The following OTOGL variants were observed in gnomAD, a reference collection of about 807,000 sequenced individuals.
OTOGL encodes otogelin like, also known as otogelin-like protein.
Under a neutral mutation model 318.5 loss-of-function variants are expected in OTOGL, and 285 were observed. That is an observed-to-expected ratio of 0.89 (90% CI 0.81 to 0.99). The LOEUF (loss-of-function observed/expected upper bound fraction) is 0.99. Ranked by LOEUF, OTOGL falls within the 50% of genes least tolerant of loss-of-function variation. OTOGL has a pLI of 0.00. For synonymous variants in OTOGL, 987 were observed against 936.5 expected (o/e 1.05, Z -0.99); for missense variants, 2,899 against 2,845.6 (o/e 1.02, Z -0.43).
chr12:80,162,996 A>G (rs1873616649), intron 1 of OTOGL, among the ~76,000 whole-genome samples: 1 of 152,078 alleles, frequency 6.6e-6, no homozygotes, highest in Non-Finnish European at 1.5e-5. Flanking sequence ...TGATTTGTTC[A>G]CTGGGTCCTC....
At chr12:80,318,280 C>T (rs1300532005) in intron 32 of OTOGL, among the ~76,000 whole-genome samples, 1 of 152,074 alleles carries the variant, frequency 6.6e-6, no homozygotes, top group Admixed American at 6.6e-5. Context: ...AAGTAAAATA[C>T]ACTGAGTGCA....
intron 26 of OTOGL, among the ~76,000 whole-genome samples, chr12:80,282,543 T>C (rs908832764): frequency 1.3e-5 from 2 of 151,772 alleles, no homozygotes; most frequent in Non-Finnish European, 2.9e-5. Flanking sequence ...ATTTTTTTTT[T>C]TGTCTTGTGT....
At chr12:80,321,583 A>T (rs937527998) in intron 34 of OTOGL, among the ~76,000 whole-genome samples, 1 of 150,630 alleles carries the variant, frequency 6.6e-6, no homozygotes, top group Non-Finnish European at 1.5e-5. Flanking sequence ...AATAAAAAAT[A>T]AAAAAATAAA....
At chr12:80,202,396 G>A (rs1377628163) in intron 1 of OTOGL, among the ~76,000 whole-genome samples, 7 of 151,090 alleles carry the variant, frequency 4.6e-5, no homozygotes, top group African/African-American at 1.5e-4. Flanking sequence ...TCAGCCTCCC[G>A]AGTAGCTGGG....
intron 18 of OTOGL, among the ~76,000 whole-genome samples, chr12:80,259,530 C>G (rs372229943): frequency 6.6e-6 from 1 of 152,014 alleles, no homozygotes; most frequent in Admixed American, 6.6e-5. Flanking sequence ...TCTTCCTCCC[C>G]TAGCCCCACA....
At chr12:80,167,155 G>A (rs1235586868) in intron 1 of OTOGL, among the ~76,000 whole-genome samples, 2 of 151,934 alleles carry the variant, frequency 1.3e-5, no homozygotes, top group Admixed American at 1.3e-4. Context: ...TCTAGCTCTA[G>A]TCTTTTCCCT....
At chr12:80,120,376 C>T (rs74108505) in intron 1 of OTOGL, among the ~76,000 whole-genome samples, 2 of 151,914 alleles carry the variant, frequency 1.3e-5, no homozygotes, top group Non-Finnish European at 2.9e-5. Context: ...ATCACATTCA[C>T]CTTGTGAATG....
At chr12:80,329,649 G>T (rs532054801) in intron 37 of OTOGL, among the ~76,000 whole-genome samples, 3 of 152,088 alleles carry the variant, frequency 2.0e-5, no homozygotes, top group South Asian at 4.1e-4. Flanking sequence ...CTTTCCTCCC[G>T]CCCTGTGAAG....
rs763110204 is a variant in OTOGL at position 80,217,629 on chromosome 12, A to G, written c.200A>G (p.His67Arg). ...GCTACTTCTCCGAGATACTTTTTCC[A>G]TGATGCTATTAATTGGGGTGAGAGC... Reference protein sequence around the residue: ...FEATSPRYFFHDAINWGESKI... With the variant: ...FEATSPRYFFRDAINWGESKI... Residue 67 changes from histidine to arginine, a missense_variant, in exon 5 of 59, where the codon CAT (histidine) becomes CGT (arginine). His to Arg is a conservative substitution (Grantham distance 29). Coordinates refer to ENST00000547103, the MANE Select transcript of OTOGL (RefSeq NM_001378609.3). 1.4e-5 allele frequency: 22 copies of G among 1,555,236 alleles called. No individual in the cohort carries two copies. Among genetic ancestry groups the G allele is most frequent in the Middle Eastern group, 1.7e-4 (1 of 6,000 alleles).
chr12:80,129,578 C>A (rs532825377), intron 1 of OTOGL, among the ~76,000 whole-genome samples: 1 of 152,194 alleles, frequency 6.6e-6, no homozygotes, highest in African/African-American at 2.4e-5. Context: ...GTGGTACAAC[C>A]CTTCCTCTTG....
rs747210393 is a variant in OTOGL, at chr12:80,265,251, T to G, written c.2224+41T>G. On this transcript the variant is annotated intron_variant, in intron 20 of 58. Transcript: ENST00000547103. ...CAGATAAAGACTATCAGATAATACC[T>G]TAGAGACCTCTATGTTTGTAATGAC... The G allele has an allele frequency of 1.9e-6, 3 of 1,542,822 alleles. No homozygotes were observed. The African/African-American group carries it at 4.1e-5, about 21-fold the overall frequency.
In OTOGL at chr12:80,252,154, G is replaced by A; in HGVS notation, c.1238G>A (p.Cys413Tyr). 1 of 1,589,596 alleles carries A rather than the reference G, an allele frequency of 6.3e-7. No individual in the cohort carries two copies. The change falls in exon 13 of 59, where the codon TGT becomes TAT. Residue 413 changes from cysteine to tyrosine, a missense_variant. Cys to Tyr is a radical substitution (Grantham distance 194). Around this residue, in one of 3 missense-constraint regions of OTOGL, gnomAD observed 2,607 missense variants for 2,524.9 expected, o/e 1.03. Coordinates refer to ENST00000547103, the MANE Select transcript of OTOGL (RefSeq NM_001378609.3). The part of the protein sequence containing the change: ...CPPTCTFEKQ[C>Y]LGSNLHCLDG... ...CCAACCTGCACATTTGAGAAGCAAT[G>A]TCTTGGGAGCAATCTCCATTGTCTT...
Position 80,356,788 on chromosome 12 carries a change from T to C in OTOGL, c.5912-19T>C. On this transcript the variant is annotated intron_variant, in intron 48 of 58. Transcript: ENST00000547103. ...TTATTATGCTATACAAATTTTCTAA[T>C]GTAATTTTGTTTCTGCAGAATGTGA... 1 of 1,479,828 alleles carries C rather than the reference T, an allele frequency of 6.8e-7. No individual in the cohort carries two copies. The highest frequency in any genetic ancestry group is 9.3e-7 in the Non-Finnish European group (1 of 1,080,614). 91.7% of individuals were successfully genotyped at this position (1,479,828 alleles called of 1,614,324 possible).
intron 55 of OTOGL, 80 bp from the exon 56 acceptor site, chr12:80,370,490 T>G: frequency 8.2e-7 from 1 of 1,221,818 alleles, no homozygotes; most frequent in South Asian, 2.4e-5. Flanking sequence ...TTTGACTTTT[T>G]ATTCAATAGA....
At chr12:80,169,695 G>A (rs1336713811) in intron 1 of OTOGL, among the ~76,000 whole-genome samples, 1 of 152,096 alleles carries the variant, frequency 6.6e-6, no homozygotes, top group Non-Finnish European at 1.5e-5. Context: ...TTCTGTCCCT[G>A]AGCCTTGGCC....
chr12:80,336,269 G>T, intron 39 of OTOGL, 129 bp downstream of exon 39: 2 of 1,337,686 alleles, frequency 1.5e-6, no homozygotes, highest in South Asian at 1.7e-5. Context: ...TTTGATTTAT[G>T]ATTTTGGCTC....
rs201869161 is a variant in OTOGL at position 80,358,283 on chromosome 12, C to A, written c.6055C>A (p.His2019Asn). 590 of 1,612,214 alleles carry A rather than the reference C, an allele frequency of 3.7e-4. 8 individuals carry two copies. The South Asian group carries it at 6.0e-3, about 16-fold the overall frequency. The change falls in exon 50 of 59, where the codon CAT becomes AAT. Residue 2019 changes from histidine (H) to asparagine (N), a missense_variant. By Grantham distance (68) the His-to-Asn change is moderately conservative. Coordinates refer to ENST00000547103, the MANE Select transcript of OTOGL (RefSeq NM_001378609.3). Reference protein sequence around the residue: ...ESCTKPVPLCHDGEFLTVDLN... With the variant: ...ESCTKPVPLCNDGEFLTVDLN... ...TTGCACCAAACCTGTTCCACTATGT[C>A]ATGATGGGGAATTTCTCACAGTAGA...
chr12:80,307,542 G>A (rs12810000), intron 29 of OTOGL, among the ~76,000 whole-genome samples: 23,459 of 143,614 alleles, frequency 0.16, 2,172 homozygotes, highest in Middle Eastern at 0.23. Flanking sequence ...CCTCCGGGAC[G>A]GGGCAGCTGG....
At chr12:80,154,738 T>C (rs551746248) in intron 1 of OTOGL, among the ~76,000 whole-genome samples, 1 of 152,382 alleles carries the variant, frequency 6.6e-6, no homozygotes, top group East Asian at 1.9e-4. Context: ...ATAAAGCTGC[T>C]ATAAACATCT....
Sources: gnomAD v4.1 joint callset for allele counts (sites outside exome capture counted in the v4.1 genomes callset) on GRCh38, gnomAD v4.1.1 for gene constraint, gnomAD v4.1.1 regional missense constraint, MANE v1.5 for transcripts, NCBI Gene and HGNC (gene_info 2026-07-23, HGNC 2026-07-21) for gene names.